ZFAT: variants seen among roughly 807,000 people sequenced by gnomAD.
The protein encoded by ZFAT is zinc finger and AT-hook domain containing.
ZFAT carries 64 observed loss-of-function variants against 117.7 expected under a neutral mutation model. The ratio of observed to expected loss-of-function variants is 0.54; its 90% CI spans 0.44 to 0.67. The LOEUF is 0.67. ZFAT is among the 30% of genes least tolerant of loss of function. The pLI is 0.00. For missense variants in ZFAT, 1,433 were observed against 1,584.5 expected, an observed-to-expected ratio of 0.90 and a Z score of 1.62; for synonymous variants, 679 against 615.0, an observed-to-expected ratio of 1.10 and a Z score of -1.54.
chr8:134,589,458 G>A (rs889505725), intron 8 of ZFAT, among the ~76,000 whole-genome samples: 4 of 152,190 alleles, frequency 2.6e-5, no homozygotes, highest in African/African-American at 4.8e-5. Context: ...AGACATGTAC[G>A]AAGGGAGAGG....
At chr8:134,638,553 AAAAAAACAAAAC>A (rs1167482607) in intron 2 of ZFAT, among the ~76,000 whole-genome samples, 5 of 25,060 alleles carry the variant, frequency 2.0e-4, no homozygotes, top group African/African-American at 8.9e-4. Context: ...AAAATACAAA[AAAAAAACAAAAC>A]AAAAAAAAAA....
intron 3 of ZFAT, among the ~76,000 whole-genome samples, chr8:134,634,210 T>C (rs1222663888): frequency 6.6e-6 from 1 of 152,306 alleles, no homozygotes; most frequent in African/African-American, 2.4e-5. Flanking sequence ...AATATTGTCA[T>C]GAAAAATTTA....
chr8:134,656,730 T>C (rs553372696), intron 2 of ZFAT, among the ~76,000 whole-genome samples: 2 of 152,254 alleles, frequency 1.3e-5, no homozygotes, highest in South Asian at 2.1e-4. Context: ...AATGGGACAC[T>C]GACTGCTATG....
intron 3 of ZFAT, among the ~76,000 whole-genome samples, chr8:134,632,749 TAA>T (rs1829971480): frequency 6.6e-6 from 1 of 151,694 alleles, no homozygotes; most frequent in African/African-American, 2.4e-5. Flanking sequence ...CAAAGAAAAT[TAA>T]AAGACAAATG....
In ZFAT at chr8:134,657,749, A is replaced by G. The variant is rs1455911862; in HGVS notation, c.20-12T>C. 1 of 1,607,794 alleles carries G rather than the reference A, an allele frequency of 6.2e-7. No individual in the cohort carries two copies. The highest frequency in any genetic ancestry group is 1.7e-4 in the Middle Eastern group (1 of 6,022). On this transcript the variant is annotated splice_polypyrimidine_tract_variant and intron_variant, in intron 1 of 15. Coordinates refer to ENST00000377838, the MANE Select transcript of ZFAT (RefSeq NM_020863.4). ...GATGGCCGTGTTTTCTGTAAGGAAA[A>G]AAAAGGAAAATATGTTATTTCATCT...
At chr8:134,766,871 C>T in the ZFAT span, 1 of 152,242 alleles carries the variant, frequency 6.6e-6, no homozygotes, top group African/African-American at 2.4e-5. Flanking sequence ...TTAGCCATGA[C>T]ACCACAGCCT....
chr8:134,666,628 A>C (rs1351503110), intron 1 of ZFAT, among the ~76,000 whole-genome samples: 1 of 152,186 alleles, frequency 6.6e-6, no homozygotes, highest in African/African-American at 2.4e-5. Flanking sequence ...AGAAAACCCA[A>C]ATAAAAATTT....
At chr8:134,710,740 A>C (rs1018764978) in intron 1 of ZFAT, among the ~76,000 whole-genome samples, 3 of 152,242 alleles carry the variant, frequency 2.0e-5, no homozygotes, top group African/African-American at 4.8e-5. Context: ...TAATTTTACA[A>C]TATTTTTAAT....
intron 1 of ZFAT, among the ~76,000 whole-genome samples, chr8:134,694,094 C>T (rs1341335910): frequency 2.6e-5 from 4 of 152,160 alleles, no homozygotes; most frequent in African/African-American, 7.2e-5. Context: ...GAACACAAGG[C>T]CAGAGGCAGC....
At chr8:134,783,906 G>T in the ZFAT span, 5 of 152,164 alleles carry the variant, frequency 3.3e-5, no homozygotes, top group Admixed American at 3.3e-4. Flanking sequence ...TGGTGTCCAA[G>T]GTTTTTATTG....
At chr8:134,674,441 G>A (rs116785629) in intron 1 of ZFAT, among the ~76,000 whole-genome samples, 2,041 of 152,318 alleles carry the variant, frequency 0.013, 52 homozygotes, top group African/African-American at 0.045. Flanking sequence ...GCTGAGGCCT[G>A]AGTAGGCGGT....
chr8:134,607,195 A>C (rs1479405412), intron 5 of ZFAT, among the ~76,000 whole-genome samples: 1 of 152,244 alleles, frequency 6.6e-6, no homozygotes, highest in Non-Finnish European at 1.5e-5. Context: ...ATAATTAATT[A>C]AGGTCTACAA....
chr8:134,715,669 C>T (rs1326785244), upstream of ZFAT, among the ~76,000 whole-genome samples: 3 of 152,204 alleles, frequency 2.0e-5, no homozygotes, highest in Non-Finnish European at 2.9e-5. Flanking sequence ...CAAGCTGCCT[C>T]GGTGATGGTT....
intron 10 of ZFAT, among the ~76,000 whole-genome samples, chr8:134,566,337 T>G (rs1345456703): frequency 3.1e-5 from 4 of 128,922 alleles, no homozygotes; most frequent in African/African-American, 8.8e-5. Flanking sequence ...GAGCTTGCAG[T>G]GAGCCGAGAT....
intron 3 of ZFAT, among the ~76,000 whole-genome samples, chr8:134,621,881 A>G (rs1829139456): frequency 6.6e-6 from 1 of 152,236 alleles, no homozygotes; most frequent in Non-Finnish European, 1.5e-5. Context: ...CACTGTTTTG[A>G]GAACGCATGA....
At chr8:134,499,579 C>G (rs980367477) in intron 15 of ZFAT, among the ~76,000 whole-genome samples, 1 of 150,894 alleles carries the variant, frequency 6.6e-6, no homozygotes, top group Non-Finnish European at 1.5e-5. Context: ...GCTGGGATGC[C>G]CCCGCTGCTG....
chr8:134,713,194 C>T, upstream of ZFAT: 1 of 240,856 alleles, frequency 4.2e-6, no homozygotes, highest in Non-Finnish European at 8.0e-6. Context: ...GATTCCGCTG[C>T]GCCGCGTTTT....
At chr8:134,631,832 C>A (rs1050407396) in intron 3 of ZFAT, among the ~76,000 whole-genome samples, 1 of 152,130 alleles carries the variant, frequency 6.6e-6, no homozygotes, top group Non-Finnish European at 1.5e-5. Flanking sequence ...TGGGGGAGAC[C>A]AGATGAGGAA....
chr8:134,560,565 A>T (rs1823973433), intron 11 of ZFAT, among the ~76,000 whole-genome samples: 2 of 152,252 alleles, frequency 1.3e-5, no homozygotes, highest in Non-Finnish European at 1.5e-5. Context: ...GCCAAATGAG[A>T]AAGAACTCCA....
Sources: allele counts gnomAD v4.1 joint callset (sites outside exome capture counted in the v4.1 genomes callset), GRCh38; gene constraint gnomAD v4.1.1; transcripts MANE v1.5; gene names NCBI Gene and HGNC (gene_info 2026-07-23, HGNC 2026-07-21).